Variants in SANBR observed in about 807,000 individuals in gnomAD.
SANBR encodes the protein SANT and BTB domain regulator of CSR, also known as SANT and BTB domain regulator of class switch recombination.
In SANBR, 77 loss-of-function variants were observed where a neutral mutation model predicts 101.8. That is an observed-to-expected ratio of 0.76 (90% CI 0.63 to 0.91). SANBR has a LOEUF of 0.91. SANBR is among the 40% of genes least tolerant of loss of function. The probability of loss-of-function intolerance (pLI) is 0.00; values close to 1 mark genes in which losing one functional copy is unlikely to be tolerated. For missense variants in SANBR, 875 were observed against 853.0 expected (o/e 1.03, Z -0.32); for synonymous variants, 279 against 274.7 (o/e 1.02, Z -0.15).
At chr2:61,098,704 A>G (rs1215751284) in intron 12 of SANBR, among the ~76,000 whole-genome samples, 4 of 152,210 alleles carry the variant, frequency 2.6e-5, no homozygotes, top group Non-Finnish European at 5.9e-5. Flanking sequence ...TGAAAATGTT[A>G]TGTAATTAAA....
intron 21 of SANBR, among the ~76,000 whole-genome samples, chr2:61,136,979 C>T (rs1336728298): frequency 2.0e-5 from 3 of 151,562 alleles, no homozygotes; most frequent in African/African-American, 7.3e-5. Context: ...AAAACAACAA[C>T]AACAACAACA....
chr2:61,120,923 A>G (rs1573670981), intron 20 of SANBR, among the ~76,000 whole-genome samples: 1 of 152,162 alleles, frequency 6.6e-6, no homozygotes, highest in Admixed American at 6.6e-5. Context: ...TTGACAGGGG[A>G]ACAAGGGAAT....
intron 12 of SANBR, among the ~76,000 whole-genome samples, chr2:61,101,726 T>C (rs1412075208): frequency 6.8e-6 from 1 of 146,512 alleles, no homozygotes; most frequent in Non-Finnish European, 1.5e-5. Flanking sequence ...AGACTCCGTC[T>C]GAAAAAAAAA....
chr2:61,111,581 T>A (rs1332125218), intron 16 of SANBR, among the ~76,000 whole-genome samples: 1 of 152,262 alleles, frequency 6.6e-6, no homozygotes, highest in African/African-American at 2.4e-5. Flanking sequence ...GTATAAGTTA[T>A]ATGTTACAAA....
chr2:61,081,638 T>A, intron 7 of SANBR, 128 bp downstream of exon 7: 1 of 1,053,130 alleles, frequency 9.5e-7, no homozygotes, highest in South Asian at 1.8e-5. Context: ...TAAAAAATTG[T>A]TAATTCAGGA....
At chr2:61,109,918 G>T (rs908463880) in intron 16 of SANBR, among the ~76,000 whole-genome samples, 1 of 151,940 alleles carries the variant, frequency 6.6e-6, no homozygotes, top group Non-Finnish European at 1.5e-5. Flanking sequence ...CTCCCAAAGT[G>T]CTGGGATTAC....
chr2:61,120,952 A>G (rs957998288), intron 20 of SANBR, among the ~76,000 whole-genome samples: 1 of 152,128 alleles, frequency 6.6e-6, no homozygotes, highest in Non-Finnish European at 1.5e-5. Context: ...GGGTGATAGG[A>G]CTATTTTCTG....
At chr2:61,077,763 CTTG>C (rs1681872645) in intron 6 of SANBR, among the ~76,000 whole-genome samples, 1 of 152,196 alleles carries the variant, frequency 6.6e-6, no homozygotes, top group Admixed American at 6.5e-5. Context: ...AGGAAAAGCA[CTTG>C]TGCGATTATT....
At chr2:61,096,601 A>T (rs1683043385) in intron 11 of SANBR, among the ~76,000 whole-genome samples, 1 of 151,848 alleles carries the variant, frequency 6.6e-6, no homozygotes, top group African/African-American at 2.4e-5. Flanking sequence ...TTTTCCTGAG[A>T]TGGGATCTTG....
intron 1 of SANBR, chr2:61,066,298 C>T (rs1681154162): frequency 6.6e-6 from 1 of 152,608 alleles, no homozygotes; most frequent in Non-Finnish European, 1.5e-5. Context: ...CTTCTGCGCG[C>T]CCGGCCGCGC....
chr2:61,092,468 A>G lies in SANBR; in HGVS notation c.1093A>G (p.Lys365Glu). The G allele has an allele frequency of 1.3e-6, 2 of 1,558,934 alleles. No individual in the cohort carries two copies. The highest frequency in any genetic ancestry group is 2.3e-5 in the East Asian group (1 of 43,238). ...AAATTGAGGCTCTTTCTCCAGAGAT[A>G]AGACATGGGATGTTCATGAGTATTT... ...GNIVYIHIRD[K>E]TWDVHEYLNS... The change falls in exon 11 of 22, where the codon AAG (lysine) becomes GAG (glutamate). Residue 365 changes from lysine (K) to glutamate (E), a missense_variant. Physicochemically the swap from Lys to Glu is moderately conservative, Grantham distance 56. Coordinates refer to ENST00000402291, the MANE Select transcript of SANBR (RefSeq NM_001129993.3).
intron 17 of SANBR, 84 bp downstream of exon 17, chr2:61,116,154 A>G: frequency 2.2e-6 from 2 of 911,650 alleles, no homozygotes; most frequent in Non-Finnish European, 3.4e-6. Context: ...AAGAGTAATG[A>G]AGACACATGG....
chr2:61,110,288 A>G (rs1683767835), intron 16 of SANBR, among the ~76,000 whole-genome samples: 1 of 152,136 alleles, frequency 6.6e-6, no homozygotes, highest in South Asian at 2.1e-4. Context: ...TCATCCCTGT[A>G]ATCCCAGCAC....
intron 10 of SANBR, among the ~76,000 whole-genome samples, chr2:61,091,647 G>A (rs1682767935): frequency 6.6e-6 from 1 of 151,820 alleles, no homozygotes; most frequent in South Asian, 2.1e-4. Context: ...TGTAATCCCA[G>A]GTACTCAGGA....
Position 61,073,467 on chromosome 2 carries a change from G to T in SANBR, c.347G>T (p.Ser116Ile). Residue 116 changes from serine to isoleucine, a missense_variant, in exon 5 of 22, where the codon AGT becomes ATT. By Grantham distance (142) the Ser-to-Ile change is moderately radical. Coordinates refer to ENST00000402291, the MANE Select transcript of SANBR (RefSeq NM_001129993.3). ...HDAVSKTGRHSIASTRNCSSE... is the reference protein window; with the variant it reads ...HDAVSKTGRHIIASTRNCSSE... ...TGTTTCTGTATTTAAGGAAGACATA[G>T]TATAGCTTCCACAAGGAATTGTTCT... 1 of 1,531,652 alleles carries T rather than the reference G, an allele frequency of 6.5e-7. No individual in the cohort carries two copies. The highest frequency in any genetic ancestry group is 9.0e-7 in the Non-Finnish European group (1 of 1,115,498). 94.9% of individuals were successfully genotyped at this position (1,531,652 alleles called of 1,614,324 possible).
chr2:61,094,573 A>G (rs1682932419), intron 11 of SANBR, among the ~76,000 whole-genome samples: 1 of 151,696 alleles, frequency 6.6e-6, no homozygotes. Context: ...GAAAGCTGCT[A>G]TAAACAATAC....
chr2:61,107,257 T>G (rs1341907502), intron 14 of SANBR, among the ~76,000 whole-genome samples: 1 of 152,180 alleles, frequency 6.6e-6, no homozygotes, highest in Non-Finnish European at 1.5e-5. Context: ...ATAGCATGAA[T>G]GGATATTTTG....
intron 16 of SANBR, among the ~76,000 whole-genome samples, chr2:61,112,362 C>A (rs953963455): frequency 4.0e-5 from 6 of 151,874 alleles, no homozygotes; most frequent in African/African-American, 1.5e-4. Flanking sequence ...AATCTTTGGC[C>A]CATTTTTATT....
intron 5 of SANBR, among the ~76,000 whole-genome samples, chr2:61,075,775 A>G (rs1681732192): frequency 6.6e-6 from 1 of 151,800 alleles, no homozygotes; most frequent in Non-Finnish European, 1.5e-5. Context: ...TGCTGTTAAA[A>G]GTAACAAAGC....
Sources: allele counts gnomAD v4.1 joint callset (sites outside exome capture counted in the v4.1 genomes callset), GRCh38; gene constraint gnomAD v4.1.1; transcripts MANE v1.5; gene names NCBI Gene and HGNC (gene_info 2026-07-23, HGNC 2026-07-21).